Variants in HDX observed in about 807,000 individuals in gnomAD.
HDX encodes the protein chromosome X open reading frame 43.
HDX carries 19 observed loss-of-function variants against 45.2 expected under a neutral mutation model. That is an observed-to-expected ratio of 0.42 (90% CI 0.29 to 0.62). The LOEUF (loss-of-function observed/expected upper bound fraction) is 0.62, where lower values mean the gene tolerates loss of function less well. Ranked by LOEUF, HDX falls within the 20% of genes least tolerant of loss-of-function variation. The pLI is 0.20. For missense variants in HDX, 532 were observed against 493.9 expected, an observed-to-expected ratio of 1.08 and a Z score of -0.73; for synonymous variants, 188 against 172.8, an observed-to-expected ratio of 1.09 and a Z score of -0.69.
intron 5 of HDX, among the ~76,000 whole-genome samples, chrX:84,374,592 T>C (rs1425445443): frequency 5.2e-5 from 5 of 96,579 alleles, no homozygotes; most frequent in African/African-American, 8.0e-5. Context: ...TAACGCCACA[T>C]ATCTACAACT....
intron 4 of HDX, among the ~76,000 whole-genome samples, chrX:84,456,268 G>A (rs762009724): frequency 9.0e-6 from 1 of 111,438 alleles, no homozygotes; most frequent in Admixed American, 9.5e-5. Flanking sequence ...TTTTTTATTA[G>A]ATTTTTCTTT....
At chrX:84,339,775 C>T (rs989349676) in intron 7 of HDX, among the ~76,000 whole-genome samples, 4 of 110,905 alleles carry the variant, frequency 3.6e-5, no homozygotes, top group Non-Finnish European at 5.7e-5. Flanking sequence ...CACGTGCATA[C>T]CCATATAATA....
At chrX:84,398,634 C>G (rs757591678) in intron 5 of HDX, among the ~76,000 whole-genome samples, 4 of 111,699 alleles carry the variant, frequency 3.6e-5, no homozygotes, top group African/African-American at 6.5e-5. Context: ...GACTTTATCA[C>G]CCTACTGTCA....
intron 5 of HDX, among the ~76,000 whole-genome samples, chrX:84,366,101 A>T (rs1268307905): frequency 8.9e-6 from 1 of 111,746 alleles, no homozygotes; most frequent in African/African-American, 3.3e-5. Context: ...CTCAGCCCAA[A>T]ATCTCCTTAA....
At chrX:84,481,813 C>T (rs1569370188) in intron 2 of HDX, among the ~76,000 whole-genome samples, 2 of 110,959 alleles carry the variant, frequency 1.8e-5, no homozygotes, top group Non-Finnish European at 1.9e-5. Flanking sequence ...AACCCATCAC[C>T]CAAACAGTGA....
At chrX:84,403,775 G>A (rs953365210) in intron 5 of HDX, 5 of 111,939 alleles carry the variant, frequency 4.5e-5, no homozygotes, top group Non-Finnish European at 5.6e-5. Context: ...AAAATTAAGA[G>A]ACAAACGCAT....
chrX:84,502,225 C>G (rs1454156402), intron 1 of HDX, 117 bp downstream of exon 1: 1 of 110,711 alleles, frequency 9.0e-6, no homozygotes, highest in Non-Finnish European at 1.9e-5. Flanking sequence ...CCTGTTTAGG[C>G]CACGGAACCT....
chrX:84,407,554 A>G (rs1304290463), intron 5 of HDX, among the ~76,000 whole-genome samples: 1 of 111,386 alleles, frequency 9.0e-6, no homozygotes, highest in Non-Finnish European at 1.9e-5. Flanking sequence ...ACAATGATTT[A>G]TATTCATTTG....
rs773069696 is a variant in HDX at position 84,491,726 on chromosome X, C to A, written c.-109-3594G>T. On this transcript the variant is annotated intron_variant, in intron 1 of 10. Transcript: ENST00000373177. ...TCTTTTGAAGTTTGCTTTTGTCAGGCAAATCTAGAATTGCCTTTATTCTAG... is the reference window on the plus strand; with the variant it reads ...TCTTTTGAAGTTTGCTTTTGTCAGGAAAATCTAGAATTGCCTTTATTCTAG... Among the ~76,000 whole-genome samples the A allele has an allele frequency of 3.6e-5, 4 of 111,657 alleles. No homozygotes were observed. In the East Asian group the frequency reaches 1.1e-3, roughly 31 times the overall value.
intron 10 of HDX, among the ~76,000 whole-genome samples, chrX:84,324,327 A>G (rs767248856): frequency 5.4e-5 from 6 of 111,776 alleles, no homozygotes; most frequent in Non-Finnish European, 1.1e-4. Context: ...AGGTAGAATA[A>G]AAATTAACTC....
At chrX:84,364,619 T>C (rs1022212225) in intron 5 of HDX, among the ~76,000 whole-genome samples, 1 of 104,285 alleles carries the variant, frequency 9.6e-6, no homozygotes. Context: ...TCTCCTGCCT[T>C]AGCCTCCCGA....
At chrX:84,338,113 G>A (rs928628446) in intron 7 of HDX, among the ~76,000 whole-genome samples, 4 of 110,780 alleles carry the variant, frequency 3.6e-5, no homozygotes, top group Non-Finnish European at 7.6e-5. Flanking sequence ...CGAATTTTTC[G>A]AAGTCTATTC....
intron 5 of HDX, among the ~76,000 whole-genome samples, chrX:84,416,921 GAGGCGGACAGATCACTTGAGGTC>G (rs2039115995): frequency 9.1e-6 from 1 of 109,905 alleles, no homozygotes; most frequent in Non-Finnish European, 1.9e-5. Context: ...TTGGGAGGCT[GAGGCGGACAGATCACTTGAGGTC>G]AGGAATTCGA....
chrX:84,472,887 A>T (rs987510168), intron 3 of HDX, among the ~76,000 whole-genome samples: 2 of 110,118 alleles, frequency 1.8e-5, no homozygotes, highest in African/African-American at 6.6e-5. Flanking sequence ...TTGTTCAGTT[A>T]TTATCAATTA....
chrX:84,371,212 G>C (rs902211756), intron 5 of HDX, among the ~76,000 whole-genome samples: 2 of 111,779 alleles, frequency 1.8e-5, no homozygotes, highest in African/African-American at 6.5e-5. Context: ...TCTCTTCCTA[G>C]TTGTGAAAAA....
chrX:84,430,137 T>C (rs909306211), intron 5 of HDX, among the ~76,000 whole-genome samples: 8 of 110,967 alleles, frequency 7.2e-5, no homozygotes, highest in African/African-American at 2.6e-4. Context: ...GCTGTAATTT[T>C]GTCTCCTTTA....
intron 5 of HDX, among the ~76,000 whole-genome samples, chrX:84,425,499 A>C (rs2039364196): frequency 1.8e-5 from 2 of 112,170 alleles, no homozygotes; most frequent in Non-Finnish European, 3.8e-5. Context: ...CAGTATATCA[A>C]AGAGATAGCT....
At chrX:84,341,387 T>C (rs749249078) in intron 7 of HDX, among the ~76,000 whole-genome samples, 2 of 111,517 alleles carry the variant, frequency 1.8e-5, no homozygotes, top group Admixed American at 1.9e-4. Flanking sequence ...CCCTGTACAC[T>C]TAATTCTCTG....
intron 6 of HDX, among the ~76,000 whole-genome samples, chrX:84,355,046 T>C (rs1383711539): frequency 1.9e-5 from 2 of 102,798 alleles, no homozygotes; most frequent in Non-Finnish European, 4.0e-5. Flanking sequence ...CCCCCCCAGC[T>C]CTAAATCAAT....
Sources: gnomAD v4.1 joint callset for allele counts (sites outside exome capture counted in the v4.1 genomes callset) on GRCh38, gnomAD v4.1.1 for gene constraint, MANE v1.5 for transcripts, NCBI Gene and HGNC (gene_info 2026-07-23, HGNC 2026-07-21) for gene names.